CHLSN: variants seen among roughly 807,000 people sequenced by gnomAD.
The protein encoded by CHLSN is cholesin.
the CHLSN span, among the ~76,000 whole-genome samples, chr7:1,023,184 C>G: frequency 5.3e-5 from 8 of 152,216 alleles, no homozygotes; most frequent in Non-Finnish European, 8.8e-5. The surrounding 1 kb of genome is among the most constrained non-coding windows in gnomAD (Gnocchi z 5.0). Context: ...GAGACACAGA[C>G]GAGCAGATGT....
chr7:1,107,291 C>G, the CHLSN span, among the ~76,000 whole-genome samples: 11 of 152,240 alleles, frequency 7.2e-5, no homozygotes, highest in Non-Finnish European at 5.9e-5. Flanking sequence ...GCCCATGATG[C>G]GCTCACAGAC....
At chr7:1,096,664 A>G in the CHLSN span, among the ~76,000 whole-genome samples, 1 of 152,232 alleles carries the variant, frequency 6.6e-6, no homozygotes, top group South Asian at 2.1e-4. This position sits in a 1 kb window ranked among gnomAD's most constrained non-coding sequence, Gnocchi z 4.6. Context: ...ACCCAGAAAG[A>G]GCTCAAAAGT....
chr7:1,056,854 C>G, the CHLSN span: 4 of 92,138 alleles, frequency 4.3e-5, no homozygotes, highest in African/African-American at 1.3e-4. Context: ...AATGCCTGTG[C>G]TTTGGCGGGG....
the CHLSN span, among the ~76,000 whole-genome samples, chr7:1,027,481 G>T: frequency 4.6e-4 from 70 of 152,352 alleles, no homozygotes; most frequent in African/African-American, 1.6e-3. Context: ...CGCCTCCTCA[G>T]AAGATAAAAG....
the CHLSN span, among the ~76,000 whole-genome samples, chr7:1,016,818 C>T: frequency 1.9e-5 from 2 of 105,316 alleles, no homozygotes; most frequent in African/African-American, 4.8e-5. Flanking sequence ...CACACCAGCG[C>T]ACAGCAGCGC....
chr7:994,011 T>C, the CHLSN span, among the ~76,000 whole-genome samples: 1 of 152,160 alleles, frequency 6.6e-6, no homozygotes, highest in African/African-American at 2.4e-5. Context: ...GTCTCCAGCC[T>C]GCTCTGCGTG....
the CHLSN span, among the ~76,000 whole-genome samples, chr7:1,101,841 C>T: frequency 6.6e-6 from 1 of 152,274 alleles, no homozygotes; most frequent in East Asian, 1.9e-4. Context: ...GTCGCGGACA[C>T]AGCACGAAGC....
chr7:1,136,458 A>ATATATAAATATATATAAACATG, the CHLSN span, among the ~76,000 whole-genome samples: 1 of 117,678 alleles, frequency 8.5e-6, no homozygotes, highest in Non-Finnish European at 1.6e-5. Context: ...ATATAAACAT[A>ATATATAAATATATATAAACATG]TATAAACATA....
the CHLSN span, among the ~76,000 whole-genome samples, chr7:1,053,684 G>A: frequency 2.2e-4 from 34 of 152,178 alleles, no homozygotes; most frequent in African/African-American, 8.2e-4. Flanking sequence ...AAAATTAGCT[G>A]GGTGTGGTGG....
the CHLSN span, among the ~76,000 whole-genome samples, chr7:985,604 GCATGGCTTCCCCAGAATTGCGGGGGGCTC>G: frequency 6.6e-6 from 1 of 152,164 alleles, no homozygotes; most frequent in Non-Finnish European, 1.5e-5. Context: ...TGGGAGGCAG[GCATGGCTTCCCCAGAATTGCGGGGGGCTC>G]CATGTCTGCC....
the CHLSN span, among the ~76,000 whole-genome samples, chr7:992,644 C>A: frequency 6.6e-6 from 1 of 152,260 alleles, no homozygotes; most frequent in Non-Finnish European, 1.5e-5. Context: ...TAGGAAACTT[C>A]TGGAACCCAG....
the CHLSN span, chr7:1,022,995 G>T: frequency 8.6e-6 from 4 of 466,888 alleles, no homozygotes; most frequent in East Asian, 1.3e-4. Flanking sequence ...GCACACGTGA[G>T]CTCCTGGAGG....
At chr7:1,041,409 AACGGGACCTGGG>A in the CHLSN span, among the ~76,000 whole-genome samples, 1 of 150,972 alleles carries the variant, frequency 6.6e-6, no homozygotes, top group African/African-American at 2.4e-5. Flanking sequence ...CGCTGCGGGG[AACGGGACCTGGG>A]GTCCGCGCTG....
At chr7:1,127,164 A>T in the CHLSN span, 2 of 1,443,960 alleles carry the variant, frequency 1.4e-6, no homozygotes, top group Admixed American at 2.6e-5. Flanking sequence ...TCTGCTCCAC[A>T]GAGACCAGCA....
At chr7:1,105,564 T>C in the CHLSN span, among the ~76,000 whole-genome samples, 2 of 151,458 alleles carry the variant, frequency 1.3e-5, no homozygotes, top group Non-Finnish European at 2.9e-5. Context: ...CTTTTAAAAA[T>C]ACTTAGAAAA....
chr7:1,018,952 C>A, the CHLSN span, among the ~76,000 whole-genome samples: 1 of 152,004 alleles, frequency 6.6e-6, no homozygotes, highest in African/African-American at 2.4e-5. Flanking sequence ...GTGGTCCGGG[C>A]GTGGTGGCCG....
the CHLSN span, among the ~76,000 whole-genome samples, chr7:1,078,878 C>A: frequency 8.5e-5 from 13 of 152,250 alleles, no homozygotes; most frequent in Non-Finnish European, 2.9e-5. Context: ...CCCCTCAAGC[C>A]CCAGCTCAGC....
At chr7:1,059,791 T>A in the CHLSN span, among the ~76,000 whole-genome samples, 1 of 32,656 alleles carries the variant, frequency 3.1e-5, no homozygotes, top group Admixed American at 3.7e-4. Context: ...GAGGCGGGTC[T>A]TAGGCAGGCC....
chr7:1,028,505 G>C, the CHLSN span: 1 of 985,222 alleles, frequency 1.0e-6, no homozygotes. Flanking sequence ...GAAGGCGGGG[G>C]TGGACCCTGC....
Sources: allele counts gnomAD v4.1 joint callset (sites outside exome capture counted in the v4.1 genomes callset), GRCh38; gene constraint gnomAD v4.1.1; non-coding constraint Gnocchi (gnomAD v3.1); transcripts MANE v1.5; gene names NCBI Gene and HGNC (gene_info 2026-07-23, HGNC 2026-07-21).